Variants in TFB1M observed in about 807,000 individuals in gnomAD.
The protein encoded by TFB1M is dimethyladenosine transferase 1, mitochondrial.
Under a neutral mutation model 31.1 loss-of-function variants are expected in TFB1M, and 27 were observed. The ratio of observed to expected loss-of-function variants is 0.87; its 90% CI spans 0.64 to 1.20. TFB1M has a LOEUF of 1.20. Among genes scored for constraint, TFB1M ranks in the 50% most tolerant of loss-of-function variants. The probability of loss-of-function intolerance (pLI) is 0.00; values close to 1 mark genes in which losing one functional copy is unlikely to be tolerated. For synonymous variants in TFB1M, 166 were observed against 151.8 expected, an observed-to-expected ratio of 1.09 and a Z score of -0.69; for missense variants, 394 against 418.7, an observed-to-expected ratio of 0.94 and a Z score of 0.51.
chr6:155,252,136 C>T (rs1200060303), downstream of TFB1M: 1 of 660,464 alleles, frequency 1.5e-6, no homozygotes, highest in East Asian at 2.8e-5. Context: ...TAACTAACCC[C>T]ATCACATACT....
At chr6:155,260,198 C>T in intron 6 of TFB1M, 75 bp downstream of exon 6, 1 of 1,506,012 alleles carries the variant, frequency 6.6e-7, no homozygotes, top group Non-Finnish European at 9.2e-7. Context: ...ATAGAGCAAA[C>T]AAGGTTCTCA....
chr6:155,293,030 TAGGG>T (rs1777005758), intron 4 of TFB1M, among the ~76,000 whole-genome samples: 1 of 151,904 alleles, frequency 6.6e-6, no homozygotes, highest in Admixed American at 6.6e-5. Flanking sequence ...CAAGGTAACA[TAGGG>T]AGCTATGTTA....
intron 2 of TFB1M, chr6:155,310,881 C>T (rs548498866): frequency 1.0e-4 from 33 of 316,926 alleles, no homozygotes; most frequent in Non-Finnish European, 1.7e-4. Flanking sequence ...GAATGGGCCA[C>T]GACATGCATA....
chr6:155,245,459 C>T, the TFB1M span, among the ~76,000 whole-genome samples: 8 of 152,348 alleles, frequency 5.3e-5, no homozygotes, highest in South Asian at 2.1e-4. Flanking sequence ...GCCAGGGGAG[C>T]GCCTGGGCTG....
At chr6:155,267,764 T>C (rs1049901541) in intron 5 of TFB1M, among the ~76,000 whole-genome samples, 1 of 152,210 alleles carries the variant, frequency 6.6e-6, no homozygotes, top group Non-Finnish European at 1.5e-5. Flanking sequence ...AAGACAAGAA[T>C]GACCTAATTT....
chr6:155,240,348 T>G, the TFB1M span, among the ~76,000 whole-genome samples: 1 of 152,220 alleles, frequency 6.6e-6, no homozygotes, highest in African/African-American at 2.4e-5. Context: ...GCGCACATCT[T>G]CCTTACTCAG....
the TFB1M span, among the ~76,000 whole-genome samples, chr6:155,238,836 C>T: frequency 6.6e-6 from 1 of 152,224 alleles, no homozygotes; most frequent in African/African-American, 2.4e-5. Flanking sequence ...ACTGTTTCTA[C>T]TTCTTTGGAG....
the TFB1M span, chr6:155,250,093 T>C: frequency 1.5e-6 from 1 of 651,464 alleles, no homozygotes; most frequent in Non-Finnish European, 2.7e-6. Flanking sequence ...TTTTTCTTGA[T>C]AACAATGTGT....
At chr6:155,248,730 C>G in the TFB1M span, among the ~76,000 whole-genome samples, 1 of 152,150 alleles carries the variant, frequency 6.6e-6, no homozygotes, top group Non-Finnish European at 1.5e-5. Context: ...CACAATTTAT[C>G]AAAAACACAA....
Position 155,314,415 on chromosome 6 carries a change from C to T in TFB1M, c.14G>A (p.Gly5Glu). 1.9e-6 allele frequency: 3 copies of T among 1,614,214 alleles called. No individual in the cohort carries two copies. Among genetic ancestry groups the T allele is most frequent in the Non-Finnish European group, 1.7e-6 (2 of 1,180,028 alleles). The change falls in exon 1 of 7, where the codon GGA becomes GAA. Residue 5 changes from glycine (G) to glutamate (E), a missense_variant. Physicochemically the swap from Gly to Glu is moderately conservative, Grantham distance 98. This residue lies in a region of TFB1M where 273 missense variants were observed against 256.4 expected (regional missense o/e 1.06). Coordinates refer to ENST00000367166, the MANE Select transcript of TFB1M (RefSeq NM_016020.4). ...AGGGAGACGGCAAGTGCTGAGTTTTCCGGAGGCAGCCATGATACGCGGCAA... is the reference window on the plus strand; with the variant it reads ...AGGGAGACGGCAAGTGCTGAGTTTTTCGGAGGCAGCCATGATACGCGGCAA... Reference protein sequence around the residue: MAASGKLSTCRLPPL... With the variant: MAASEKLSTCRLPPL...
intron 5 of TFB1M, among the ~76,000 whole-genome samples, chr6:155,269,854 TA>T (rs1305828530): frequency 6.6e-6 from 1 of 152,226 alleles, no homozygotes; most frequent in African/African-American, 2.4e-5. Flanking sequence ...ATTATATACT[TA>T]AAGTCAGTTT....
intron 5 of TFB1M, among the ~76,000 whole-genome samples, chr6:155,273,378 T>G (rs1785031021): frequency 6.6e-6 from 1 of 152,208 alleles, no homozygotes; most frequent in Non-Finnish European, 1.5e-5. Context: ...ACAATCCAGA[T>G]AGTCTAGGAT....
chr6:155,297,025 A>G lies in TFB1M; in HGVS notation c.474T>C (p.Ile158=). 6.2e-7 allele frequency: 1 copy of G among 1,613,990 alleles called. No individual in the cohort carries two copies. ...AAACAAAAGGTCCATCTCTACAGGA[A>G]ATATTTTCAAGCCACTTGATAATCA... is the stretch of plus-strand genomic sequence containing the variant. ...TPLIIKWLEN[I]SCRDGPFVYG... The change falls in exon 4 of 7, where the codon ATT becomes ATC. Residue 158 remains isoleucine, a synonymous_variant. Coordinates refer to ENST00000367166, the MANE Select transcript of TFB1M (RefSeq NM_016020.4).
At chr6:155,270,743 T>C (rs1362819330) in intron 5 of TFB1M, among the ~76,000 whole-genome samples, 2 of 152,202 alleles carry the variant, frequency 1.3e-5, no homozygotes, top group South Asian at 2.1e-4. Context: ...AAAGCTTATG[T>C]CTGCACTAAC....
downstream of TFB1M, chr6:155,252,965 T>C (rs566446238): frequency 3.7e-6 from 6 of 1,614,194 alleles, no homozygotes; most frequent in Admixed American, 1.0e-4. Flanking sequence ...ATTCCCGGCC[T>C]GCACACAACT....
chr6:155,238,388 T>G, the TFB1M span, among the ~76,000 whole-genome samples: 1,870 of 152,334 alleles, frequency 0.012, 34 homozygotes, highest in Non-Finnish European at 0.015. Context: ...CCCTCCAAAC[T>G]GTTCCAACCT....
intron 5 of TFB1M, among the ~76,000 whole-genome samples, chr6:155,275,087 A>G (rs929929740): frequency 2.0e-5 from 3 of 151,642 alleles, no homozygotes; most frequent in Non-Finnish European, 4.4e-5. Flanking sequence ...TTAGCCGGGC[A>G]TGGTGGCGGG....
At chr6:155,310,978 A>T in intron 2 of TFB1M, 1 of 589,834 alleles carries the variant, frequency 1.7e-6, no homozygotes, top group Non-Finnish European at 3.0e-6. Flanking sequence ...TTCAAGGTGT[A>T]GTCAATAGAC....
the TFB1M span, among the ~76,000 whole-genome samples, chr6:155,242,265 A>G: frequency 5.3e-5 from 8 of 152,326 alleles, no homozygotes; most frequent in African/African-American, 1.9e-4. Context: ...AAAATAACCC[A>G]CACTTGGCAC....
Sources: gnomAD v4.1 joint callset for allele counts (sites outside exome capture counted in the v4.1 genomes callset) on GRCh38, gnomAD v4.1.1 for gene constraint, gnomAD v4.1.1 regional missense constraint, MANE v1.5 for transcripts, NCBI Gene and HGNC (gene_info 2026-07-23, HGNC 2026-07-21) for gene names.